Variants in DNAH7 observed in about 807,000 individuals in gnomAD.
DNAH7 encodes axonemal beta dynein heavy chain 7.
A neutral mutation model predicts 444.6 loss-of-function variants in DNAH7; 397 were observed. The observed-to-expected ratio is 0.89, with a 90% confidence interval of 0.82 to 0.97. The LOEUF (loss-of-function observed/expected upper bound fraction) is 0.97. Ranked by LOEUF, DNAH7 falls within the 50% of genes least tolerant of loss-of-function variation. The probability of loss-of-function intolerance (pLI) is 0.00; values close to 1 mark genes in which losing one functional copy is unlikely to be tolerated. For synonymous variants in DNAH7, 1,636 were observed against 1,624.4 expected, an observed-to-expected ratio of 1.01 and a Z score of -0.17; for missense variants, 4,902 against 4,800.8, an observed-to-expected ratio of 1.02 and a Z score of -0.62.
At chr2:196,049,760 T>C (rs1697350974) in intron 3 of DNAH7, among the ~76,000 whole-genome samples, 2 of 152,234 alleles carry the variant, frequency 1.3e-5, no homozygotes, top group Non-Finnish European at 2.9e-5. Flanking sequence ...GATGATTATA[T>C]GCTTCGCCCA....
chr2:195,972,284 T>C lies in DNAH7; in HGVS notation c.2016A>G (p.Lys672=). 6.2e-7 allele frequency: 1 copy of C among 1,614,116 alleles called. No homozygotes were observed. The highest frequency in any genetic ancestry group is 8.5e-7 in the Non-Finnish European group (1 of 1,179,966). The stretch of plus-strand genomic sequence containing the variant: ...ATTGTTCTATTTTCTCTTTAATGAT[T>C]TTCCTGTGTTCTTCAAAAATTTCTC... ...RMGEIFEEHR[K]IIKEKIEQYQ... The change falls in exon 16 of 65, where the codon AAA becomes AAG. Residue 672 remains lysine (K), a synonymous_variant. Transcript: ENST00000312428.
At position 195,876,632 on chromosome 2, in the gene DNAH7, GT is replaced by G; in HGVS notation, c.6028del (p.Thr2010LeufsTer34). The G allele has an allele frequency of 6.2e-7, 1 of 1,612,864 alleles. No homozygotes were observed. Among genetic ancestry groups the G allele is most frequent in the Non-Finnish European group, 8.5e-7 (1 of 1,178,964 alleles). ...AATATTCTGAGTTTGAGCTGCTGTA[GT>G]TTGTGCTGAGAAGTTAATTAGCAGA... Reference protein sequence around the residue: ...KPLLINFSAQTTAAQTQNIVM... With the variant: ...KPLLINFSAQXTAAQTQNIVM... On this transcript the variant is annotated frameshift_variant, in exon 37 of 65. Coordinates refer to ENST00000312428, the MANE Select transcript of DNAH7 (RefSeq NM_018897.3). LOFTEE classifies it high-confidence loss of function.
chr2:195,990,699 G>A (rs2125646314), intron 12 of DNAH7, among the ~76,000 whole-genome samples: 1 of 150,104 alleles, frequency 6.7e-6, no homozygotes, highest in East Asian at 2.0e-4. Flanking sequence ...TTATTTCTAG[G>A]TTATCTATGC....
At chr2:195,923,832 G>C (rs146272424) in intron 22 of DNAH7, 25 bp from the exon 23 acceptor site, 5 of 1,598,538 alleles carry the variant, frequency 3.1e-6, no homozygotes, top group Middle Eastern at 1.7e-4. Context: ...AATAAGATAT[G>C]ATTTCCCAAT....
intron 5 of DNAH7, among the ~76,000 whole-genome samples, chr2:196,041,531 A>C (rs1431334098): frequency 3.9e-5 from 6 of 151,982 alleles, no homozygotes; most frequent in Non-Finnish European, 4.4e-5. Context: ...ACTAGACCCT[A>C]TCTCTCACCA....
rs1423893915 is a variant in DNAH7 at position 195,864,811 on chromosome 2, T to C, written c.6844A>G (p.Asn2282Asp). 6.2e-7 allele frequency: 1 copy of C among 1,614,214 alleles called. No homozygotes were observed. Among genetic ancestry groups the C allele is most frequent in the African/African-American group, 1.3e-5 (1 of 75,068 alleles). ...TCCACATCTGCGATTTCTCTGTAGTTGGTATCCTCCCTCTTGGGATCATGG... is the reference window on the plus strand; with the variant it reads ...TCCACATCTGCGATTTCTCTGTAGTCGGTATCCTCCCTCTTGGGATCATGG... ...DFHDPKREDT[N>D]YREIADVDNL... The change falls in exon 41 of 65, where the codon AAC becomes GAC. Residue 2282 changes from asparagine to aspartate, a missense_variant. Coordinates refer to ENST00000312428, the MANE Select transcript of DNAH7 (RefSeq NM_018897.3).
rs1166519010 is a variant in DNAH7, at chr2:195,894,947, A to G, written c.4896+29T>C. The G allele has an allele frequency of 1.9e-6, 3 of 1,552,104 alleles. No individual in the cohort carries two copies. In the African/African-American group the frequency reaches 4.1e-5, roughly 21 times the overall value. On this transcript the variant is annotated intron_variant, in intron 30 of 64. Coordinates refer to ENST00000312428, the MANE Select transcript of DNAH7 (RefSeq NM_018897.3). Reference sequence around the variant, plus strand: ...CTACCTTGCACAAAGTCAATTATAAATAAATTAATGCATTAATAATATACT... The same window carrying G: ...CTACCTTGCACAAAGTCAATTATAAGTAAATTAATGCATTAATAATATACT...
chr2:196,060,095 G>A (rs184281927), intron 1 of DNAH7, among the ~76,000 whole-genome samples: 36 of 152,272 alleles, frequency 2.4e-4, no homozygotes, highest in African/African-American at 8.4e-4. Flanking sequence ...GCAGGCGCCT[G>A]TAGTCCTAGC....
intron 19 of DNAH7, among the ~76,000 whole-genome samples, chr2:195,938,301 A>G (rs1689187861): frequency 6.6e-6 from 1 of 151,606 alleles, no homozygotes; most frequent in Non-Finnish European, 1.5e-5. Context: ...AATTTTTAAA[A>G]GGAATTTTAT....
At chr2:195,991,335 C>T (rs910872593) in intron 12 of DNAH7, among the ~76,000 whole-genome samples, 3 of 149,344 alleles carry the variant, frequency 2.0e-5, no homozygotes, top group African/African-American at 7.3e-5. Context: ...CCTTCAAATC[C>T]CTCCTTCTCA....
chr2:195,738,059 C>T lies in DNAH7; in HGVS notation c.11937G>A (p.Lys3979=). 1 of 1,614,000 alleles carries T rather than the reference C, an allele frequency of 6.2e-7. No homozygotes were observed. The highest frequency in any genetic ancestry group is 8.5e-7 in the Non-Finnish European group (1 of 1,179,884). Residue 3979 remains lysine, a synonymous_variant, in exon 65 of 65, where the codon AAG becomes AAA. Transcript: ENST00000312428. ...KRPSYVAPLY[K]TSERRGVLST... ...ATAATACTCCTCTCCGCTCACTTGTCTTATACAATGGAGCAACATAACTTG... is the reference window on the plus strand; with the variant it reads ...ATAATACTCCTCTCCGCTCACTTGTTTTATACAATGGAGCAACATAACTTG...
chr2:195,845,801 G>C (rs984973609), intron 46 of DNAH7, among the ~76,000 whole-genome samples: 1 of 152,178 alleles, frequency 6.6e-6, no homozygotes, highest in African/African-American at 2.4e-5. Flanking sequence ...TAACTGGCTA[G>C]CCATATGCAG....
intron 59 of DNAH7, among the ~76,000 whole-genome samples, chr2:195,777,207 A>C (rs1695102598): frequency 6.6e-6 from 1 of 152,098 alleles, no homozygotes; most frequent in Admixed American, 6.5e-5. Context: ...ATCTCTAGAA[A>C]TCCACTGTGA....
At chr2:195,969,119 T>C (rs1051455262) in intron 17 of DNAH7, among the ~76,000 whole-genome samples, 6 of 152,262 alleles carry the variant, frequency 3.9e-5, no homozygotes, top group African/African-American at 1.2e-4. Flanking sequence ...TTGGTTCTTA[T>C]GAAGGTGATT....
In DNAH7 at chr2:195,996,350, A is replaced by G. The variant is rs528768262; in HGVS notation, c.1353+4354T>C. Among the ~76,000 whole-genome samples, 165 of 152,312 alleles carry G rather than the reference A, an allele frequency of 1.1e-3. 2 individuals carry two copies. Among genetic ancestry groups the G allele is most frequent in the African/African-American group, 3.9e-3 (162 of 41,562 alleles). ...ATTTTAAATAAGCAAACAAATCTTA[A>G]CAGTTTATCTCCTTTTCTTTCCATT... On this transcript the variant is annotated intron_variant, in intron 12 of 64. Coordinates refer to ENST00000312428, the MANE Select transcript of DNAH7 (RefSeq NM_018897.3).
At chr2:195,885,133 T>A (rs1158873442) in intron 34 of DNAH7, among the ~76,000 whole-genome samples, 1 of 152,190 alleles carries the variant, frequency 6.6e-6, no homozygotes, top group Non-Finnish European at 1.5e-5. Flanking sequence ...AATAAATTAT[T>A]AAGGTATTAA....
Position 195,876,531 on chromosome 2 carries a change from A to T in DNAH7, c.6117+13T>A. On this transcript the variant is annotated intron_variant, in intron 37 of 64. Coordinates refer to ENST00000312428, the MANE Select transcript of DNAH7 (RefSeq NM_018897.3). ...ATATGAATAGGCCCGGGTACTGTAC[A>T]AAGAGTCATTACCATTCTCTTGCCC... 3 of 1,613,104 alleles carry T rather than the reference A, an allele frequency of 1.9e-6. No homozygotes were observed. The South Asian group carries it at 3.3e-5, about 18-fold the overall frequency.
intron 58 of DNAH7, among the ~76,000 whole-genome samples, chr2:195,786,797 G>A (rs1344478873): frequency 6.6e-6 from 1 of 151,920 alleles, no homozygotes; most frequent in Non-Finnish European, 1.5e-5. Context: ...ATATATCATG[G>A]GTTTCTAATA....
chr2:196,039,577 C>A (rs973660961), intron 5 of DNAH7, among the ~76,000 whole-genome samples: 11 of 152,162 alleles, frequency 7.2e-5, no homozygotes, highest in African/African-American at 2.6e-4. Context: ...GCAGCTGGAT[C>A]ACTTGAGGCC....
Sources: allele counts gnomAD v4.1 joint callset (sites outside exome capture counted in the v4.1 genomes callset), GRCh38; gene constraint gnomAD v4.1.1; transcripts MANE v1.5; gene names NCBI Gene and HGNC (gene_info 2026-07-23, HGNC 2026-07-21).